Variants in CDIN1 observed in about 807,000 individuals in gnomAD.
CDIN1 encodes CDAN1 interacting nuclease 1.
A neutral mutation model predicts 45.3 loss-of-function variants in CDIN1; 33 were observed. The observed-to-expected ratio is 0.73, with a 90% CI of 0.55 to 0.97. CDIN1 has a LOEUF of 0.97. Among genes scored for constraint, CDIN1 ranks in the 50% least tolerant of loss-of-function variants. The probability of loss-of-function intolerance (pLI) is 0.00; values close to 1 mark genes in which losing one functional copy is unlikely to be tolerated. For synonymous variants in CDIN1, 118 were observed against 124.4 expected (o/e 0.95, Z 0.34); for missense variants, 303 against 339.4 (o/e 0.89, Z 0.84).
intron 10 of CDIN1, among the ~76,000 whole-genome samples, chr15:36,728,953 C>T (rs1003061332): frequency 6.6e-6 from 1 of 152,132 alleles, no homozygotes. Context: ...AGATAACAGG[C>T]GTGAGCCACC....
intron 1 of CDIN1, among the ~76,000 whole-genome samples, chr15:36,624,002 T>C (rs1175644937): frequency 1.3e-5 from 2 of 152,188 alleles, no homozygotes; most frequent in African/African-American, 4.8e-5. Flanking sequence ...AATGAAACAG[T>C]ACCTGGTAGC....
intron 1 of CDIN1, 78 bp downstream of exon 1, chr15:36,580,039 A>G: frequency 8.0e-7 from 1 of 1,253,792 alleles, no homozygotes. Flanking sequence ...GCGCTTAGGA[A>G]CCACGTGTCA....
intron 10 of CDIN1, among the ~76,000 whole-genome samples, chr15:36,721,721 T>C (rs1028368132): frequency 1.3e-5 from 2 of 152,138 alleles, no homozygotes; most frequent in African/African-American, 2.4e-5. Flanking sequence ...TATGCACTTA[T>C]CAGAACTCTT....
intron 1 of CDIN1, among the ~76,000 whole-genome samples, chr15:36,602,645 G>C (rs893118703): frequency 6.6e-6 from 1 of 152,166 alleles, no homozygotes; most frequent in African/African-American, 2.4e-5. Context: ...TGGTTTTCTT[G>C]TGTAACTGGT....
chr15:36,695,825 C>T (rs2042404230), intron 7 of CDIN1, among the ~76,000 whole-genome samples: 1 of 149,430 alleles, frequency 6.7e-6, no homozygotes, highest in East Asian at 1.9e-4. Context: ...CCAGCCTGGG[C>T]AAGACCAAGA....
At chr15:36,654,247 T>G in intron 4 of CDIN1, 89 bp downstream of exon 4, 1 of 1,053,796 alleles carries the variant, frequency 9.5e-7, no homozygotes, top group Non-Finnish European at 1.4e-6. Context: ...TAACTACCTT[T>G]GGAAAAAAAA....
At chr15:36,618,447 C>A in intron 1 of CDIN1, 3 of 891,418 alleles carry the variant, frequency 3.4e-6, no homozygotes, top group Non-Finnish European at 5.7e-6. Flanking sequence ...TCGAAGATGA[C>A]GACAAGATGT....
Position 36,804,975 on chromosome 15 carries a change from G to A in CDIN1, c.717-3349G>A, listed in dbSNP as rs1049469258. Among the ~76,000 whole-genome samples, 8 of 151,768 alleles carry A rather than the reference G, an allele frequency of 5.3e-5. 1 individual carries two copies. Among genetic ancestry groups the A allele is most frequent in the East Asian group, 1.9e-4 (1 of 5,144 alleles). On this transcript the variant is annotated intron_variant, in intron 10 of 10. Transcript: ENST00000566621. ...CAGGTGTGAGTCACTGTCCCCAGCC[G>A]AGAAACACATTTTGAACATATTTAT...
intron 8 of CDIN1, chr15:36,707,064 G>A (rs1025612236): frequency 6.6e-6 from 1 of 152,074 alleles, no homozygotes; most frequent in African/African-American, 2.4e-5. Flanking sequence ...GATCTAGGAT[G>A]AAGGAAGCAA....
intron 10 of CDIN1, among the ~76,000 whole-genome samples, chr15:36,785,339 C>G (rs2054461323): frequency 6.6e-6 from 1 of 152,190 alleles, no homozygotes; most frequent in Admixed American, 6.5e-5. Flanking sequence ...CTCTTCTAGG[C>G]TCTGTGTTAA....
chr15:36,783,290 C>T (rs1382574833), intron 10 of CDIN1, among the ~76,000 whole-genome samples: 1 of 151,592 alleles, frequency 6.6e-6, no homozygotes, highest in Non-Finnish European at 1.5e-5. Flanking sequence ...ACCAGCAGTT[C>T]GGCAGATTAA....
At chr15:36,682,773 A>C in intron 5 of CDIN1, among the ~76,000 whole-genome samples, 1 of 143,446 alleles carries the variant, frequency 7.0e-6, no homozygotes, top group African/African-American at 2.5e-5. Flanking sequence ...CTGCCAAAAA[A>C]AAAAAAAAAA....
At chr15:36,616,923 TC>T (rs1371362910) in intron 1 of CDIN1, among the ~76,000 whole-genome samples, 9 of 150,990 alleles carry the variant, frequency 6.0e-5, no homozygotes, top group South Asian at 2.1e-4. Flanking sequence ...AGACTTAGTG[TC>T]AAAAAAATAT....
chr15:36,713,260 C>A (rs2043117415), intron 10 of CDIN1, among the ~76,000 whole-genome samples: 1 of 152,096 alleles, frequency 6.6e-6, no homozygotes, highest in Non-Finnish European at 1.5e-5. Flanking sequence ...TGAACAGTGA[C>A]CAACAACCAC....
intron 5 of CDIN1, among the ~76,000 whole-genome samples, chr15:36,689,310 C>A (rs1419723240): frequency 6.6e-6 from 1 of 151,698 alleles, no homozygotes; most frequent in Non-Finnish European, 1.5e-5. Context: ...TTTTAAAAAA[C>A]AGCCTTTGTT....
intron 1 of CDIN1, chr15:36,619,395 A>C: frequency 2.8e-6 from 1 of 356,126 alleles, no homozygotes; most frequent in Non-Finnish European, 5.2e-6. Flanking sequence ...TCCTTAAATC[A>C]TTATGGATTT....
At chr15:36,764,974 G>C (rs1417046741) in intron 10 of CDIN1, among the ~76,000 whole-genome samples, 3 of 152,038 alleles carry the variant, frequency 2.0e-5, no homozygotes, top group African/African-American at 7.2e-5. Context: ...TAGGAATCTA[G>C]GTTCCTGCTG....
chr15:36,617,435 C>T, intron 1 of CDIN1: 1 of 1,106,904 alleles, frequency 9.0e-7, no homozygotes, highest in Non-Finnish European at 1.4e-6. Flanking sequence ...GCAATTTCTA[C>T]AGAAGACCTA....
chr15:36,738,987 A>G (rs1302694984), intron 10 of CDIN1, among the ~76,000 whole-genome samples: 2 of 152,252 alleles, frequency 1.3e-5, no homozygotes, highest in Non-Finnish European at 2.9e-5. Flanking sequence ...ACAAACTGCT[A>G]ATGTTACAAC....
Sources: gnomAD v4.1 joint callset for allele counts (sites outside exome capture counted in the v4.1 genomes callset) on GRCh38, gnomAD v4.1.1 for gene constraint, MANE v1.5 for transcripts, NCBI Gene and HGNC (gene_info 2026-07-23, HGNC 2026-07-21) for gene names.